The following TAF3 variants were observed in gnomAD, a reference collection of about 807,000 sequenced individuals.
TAF3 encodes TATA-box binding protein associated factor 3, also known as transcription initiation factor TFIID subunit 3.
Under a neutral mutation model 80.6 loss-of-function variants are expected in TAF3, and 7 were observed. The ratio of observed to expected loss-of-function variants is 0.09; its 90% confidence interval spans 0.05 to 0.16. TAF3 has a LOEUF of 0.16. Among genes scored for constraint, TAF3 ranks in the 10% least tolerant of loss-of-function variants. TAF3 has a pLI of 1.00. For synonymous variants in TAF3, 444 were observed against 446.1 expected (o/e 1.00, Z 0.06); for missense variants, 921 against 1,140.2 (o/e 0.81, Z 2.77).
At chr10:7,864,733 T>C (rs1358333362) in intron 2 of TAF3, among the ~76,000 whole-genome samples, 2 of 152,244 alleles carry the variant, frequency 1.3e-5, no homozygotes, top group East Asian at 1.9e-4. Flanking sequence ...TTTCCAAATA[T>C]TTCCTCTCAG....
At chr10:7,941,432 A>G (rs1239351397) in intron 2 of TAF3, among the ~76,000 whole-genome samples, 1 of 152,240 alleles carries the variant, frequency 6.6e-6, no homozygotes, top group Non-Finnish European at 1.5e-5. Context: ...TGAGGATGCT[A>G]CAGGGGACCA....
At chr10:7,852,910 C>A (rs1837042877) in intron 2 of TAF3, among the ~76,000 whole-genome samples, 1 of 152,164 alleles carries the variant, frequency 6.6e-6, no homozygotes, top group East Asian at 1.9e-4. Context: ...AATTTGTTTC[C>A]TACCTTCTTC....
At chr10:7,849,782 C>T (rs1196909093) in intron 2 of TAF3, among the ~76,000 whole-genome samples, 3 of 151,862 alleles carry the variant, frequency 2.0e-5, no homozygotes, top group East Asian at 3.9e-4. Context: ...CAGGCTCAAG[C>T]GATCCTCCCA....
intron 2 of TAF3, among the ~76,000 whole-genome samples, chr10:7,846,060 G>T (rs994714466): frequency 6.7e-6 from 1 of 148,968 alleles, no homozygotes; most frequent in African/African-American, 2.5e-5. Flanking sequence ...CTGGGTTCAC[G>T]CCAGTCTCCT....
intron 4 of TAF3, among the ~76,000 whole-genome samples, chr10:7,977,900 AATC>A (rs1443664311): frequency 6.6e-6 from 1 of 152,182 alleles, no homozygotes; most frequent in African/African-American, 2.4e-5. Context: ...ATTTTCATGG[AATC>A]ATCATATCAA....
At chr10:7,887,717 A>G (rs750579525) in intron 2 of TAF3, among the ~76,000 whole-genome samples, 5 of 152,156 alleles carry the variant, frequency 3.3e-5, no homozygotes, top group Non-Finnish European at 7.4e-5. Context: ...CTTCAATCCA[A>G]GCTAAAATCG....
chr10:7,901,421 C>T (rs1468721902), intron 2 of TAF3, among the ~76,000 whole-genome samples: 1 of 152,192 alleles, frequency 6.6e-6, no homozygotes, highest in Non-Finnish European at 1.5e-5. Context: ...AAGTTCTACT[C>T]TTTCTGGCAA....
chr10:7,974,493 CT>C (rs1831651817), intron 3 of TAF3, among the ~76,000 whole-genome samples: 1 of 152,122 alleles, frequency 6.6e-6, no homozygotes. Flanking sequence ...TTTAAACTTA[CT>C]TTCGAAACTG....
intron 2 of TAF3, among the ~76,000 whole-genome samples, chr10:7,865,506 GAAAC>G (rs973992441): frequency 2.3e-3 from 218 of 96,508 alleles, no homozygotes; most frequent in Middle Eastern, 6.9e-3. Flanking sequence ...AACAAACAAA[GAAAC>G]AAACAGAAAG....
chr10:7,838,453 C>T (rs1488828399), intron 2 of TAF3, among the ~76,000 whole-genome samples: 1 of 152,138 alleles, frequency 6.6e-6, no homozygotes, highest in Non-Finnish European at 1.5e-5. Context: ...CTGATCTCGA[C>T]TCACTGCAAC....
intron 4 of TAF3, among the ~76,000 whole-genome samples, chr10:7,988,771 A>AAAAAAAAAT (rs1831805033): frequency 6.7e-6 from 1 of 149,486 alleles, no homozygotes; most frequent in African/African-American, 2.4e-5. Context: ...AAAAAAAAAA[A>AAAAAAAAAT]TCAAGATTAT....
intron 2 of TAF3, among the ~76,000 whole-genome samples, chr10:7,826,026 C>T (rs1396647594): frequency 6.6e-6 from 1 of 152,178 alleles, no homozygotes; most frequent in African/African-American, 2.4e-5. Flanking sequence ...ACTTTAATAG[C>T]ATTTTGAAGT....
chr10:7,939,425 GC>G (rs1210484181), intron 2 of TAF3, among the ~76,000 whole-genome samples: 2 of 152,048 alleles, frequency 1.3e-5, no homozygotes, highest in African/African-American at 2.4e-5. Flanking sequence ...AATGTAGCCC[GC>G]CAGTTAGCAA....
intron 2 of TAF3, among the ~76,000 whole-genome samples, chr10:7,839,256 T>C (rs548075275): frequency 2.6e-5 from 4 of 152,246 alleles, no homozygotes; most frequent in Non-Finnish European, 5.9e-5. Context: ...ATAATATATA[T>C]CTCTACCATC....
intron 2 of TAF3, among the ~76,000 whole-genome samples, chr10:7,829,177 A>T (rs1026940095): frequency 6.6e-6 from 1 of 152,074 alleles, no homozygotes; most frequent in Non-Finnish European, 1.5e-5. Flanking sequence ...TTTAAAATAG[A>T]CTATTTTTTA....
In TAF3 at chr10:8,014,249, C is replaced by T. The variant is rs183938125; in HGVS notation, c.2676-388C>T. ...TTATCTGTTTTTTAGACCTCTTCAG[C>T]GGTTCCTAAAAACTGAAAAGCTCAA... is the stretch of plus-strand genomic sequence containing the variant. On this transcript the variant is annotated intron_variant, in intron 6 of 6. Transcript: ENST00000344293. 2.4e-4 allele frequency among the ~76,000 whole-genome samples: 37 copies of T among 152,236 alleles called. 1 individual carries two copies. The East Asian group carries it at 6.4e-3, about 26-fold the overall frequency.
At chr10:7,885,171 C>T (rs898982250) in intron 2 of TAF3, among the ~76,000 whole-genome samples, 2 of 151,640 alleles carry the variant, frequency 1.3e-5, no homozygotes, top group Admixed American at 6.6e-5. Context: ...GGTTGCATGA[C>T]AGTGTGAAAA....
chr10:7,914,420 A>G (rs1164471228), intron 2 of TAF3, among the ~76,000 whole-genome samples: 1 of 152,146 alleles, frequency 6.6e-6, no homozygotes, highest in African/African-American at 2.4e-5. Flanking sequence ...AGCACTTATA[A>G]TCTGTCGGTA....
intron 4 of TAF3, among the ~76,000 whole-genome samples, chr10:7,983,143 G>A (rs1396802435): frequency 1.3e-5 from 2 of 152,118 alleles, no homozygotes; most frequent in Non-Finnish European, 2.9e-5. Context: ...GGTGGTCCTG[G>A]CCACTCAGGC....
Sources: allele counts gnomAD v4.1 joint callset (sites outside exome capture counted in the v4.1 genomes callset), GRCh38; gene constraint gnomAD v4.1.1; transcripts MANE v1.5; gene names NCBI Gene and HGNC (gene_info 2026-07-23, HGNC 2026-07-21).